TLL1: variants seen among roughly 807,000 people sequenced by gnomAD.
TLL1 encodes the protein tolloid like 1.
Under a neutral mutation model 128.2 loss-of-function variants are expected in TLL1, and 49 were observed. That is an observed-to-expected ratio of 0.38 (90% CI 0.30 to 0.48). The LOEUF is 0.48. Ranked by LOEUF, TLL1 falls within the 20% of genes least tolerant of loss-of-function variation. The probability of loss-of-function intolerance (pLI) is 0.96; values close to 1 mark genes in which losing one functional copy is unlikely to be tolerated. For synonymous variants in TLL1, 454 were observed against 418.8 expected (o/e 1.08, Z -1.03); for missense variants, 1,123 against 1,242.0 (o/e 0.90, Z 1.44).
At chr4:165,885,281 GC>G (rs1429509748) in intron 1 of TLL1, among the ~76,000 whole-genome samples, 1 of 151,974 alleles carries the variant, frequency 6.6e-6, no homozygotes, top group Admixed American at 6.6e-5. Context: ...GCTGTTCGAG[GC>G]CTAAAGCAAT....
intron 1 of TLL1, among the ~76,000 whole-genome samples, chr4:165,940,697 T>G (rs569111638): frequency 5.5e-4 from 84 of 152,192 alleles, no homozygotes; most frequent in African/African-American, 1.9e-3. Flanking sequence ...TTTTTCCTCC[T>G]AGATATTCCT....
chr4:166,021,661 G>C (rs909451598), intron 8 of TLL1, among the ~76,000 whole-genome samples: 1 of 152,072 alleles, frequency 6.6e-6, no homozygotes, highest in African/African-American at 2.4e-5. Context: ...TTGATCTCTT[G>C]ACCTCATGAT....
intron 1 of TLL1, among the ~76,000 whole-genome samples, chr4:165,896,199 T>C (rs545370649): frequency 6.6e-6 from 1 of 152,298 alleles, no homozygotes; most frequent in East Asian, 1.9e-4. Context: ...TTTCTGTTCC[T>C]GTGTTAGTTT....
intron 9 of TLL1, among the ~76,000 whole-genome samples, chr4:166,028,479 T>C (rs1316270897): frequency 6.6e-6 from 1 of 152,028 alleles, no homozygotes; most frequent in Non-Finnish European, 1.5e-5. Flanking sequence ...ATCTTTGCTT[T>C]AAAAATATGT....
At chr4:166,088,256 C>A (rs989542120) in intron 18 of TLL1, among the ~76,000 whole-genome samples, 1 of 151,970 alleles carries the variant, frequency 6.6e-6, no homozygotes, top group African/African-American at 2.4e-5. Flanking sequence ...GAAATGTGCA[C>A]ATTCTTTATT....
chr4:166,039,547 C>G, intron 10 of TLL1, 106 bp downstream of exon 10: 1 of 782,924 alleles, frequency 1.3e-6, no homozygotes, highest in Middle Eastern at 2.3e-4. Flanking sequence ...ATGTGTGTGA[C>G]TAACATTATT....
chr4:165,995,137 T>C lies in TLL1; in HGVS notation c.591T>C (p.Ser197=). The C allele has an allele frequency of 1.9e-6, 3 of 1,613,886 alleles. No homozygotes were observed. Among genetic ancestry groups the C allele is most frequent in the Non-Finnish European group, 2.5e-6 (3 of 1,179,906 alleles). The change falls in exon 5 of 21, where the codon AGT becomes AGC. Residue 197 remains serine, a synonymous_variant. Coordinates refer to ENST00000061240, the MANE Select transcript of TLL1 (RefSeq NM_012464.5). ...CATGTGTGACTTTCATAGAAAGAAG[T>C]GATGAAGAGAGTTACATTGTATTCA... ...KHTCVTFIER[S]DEESYIVFTY...
intron 12 of TLL1, among the ~76,000 whole-genome samples, chr4:166,047,450 C>A (rs527832697): frequency 6.7e-6 from 1 of 150,344 alleles, no homozygotes; most frequent in East Asian, 1.9e-4. Context: ...AGGTATGAGC[C>A]ACCGCACCTG....
intron 6 of TLL1, 99 bp downstream of exon 6, chr4:166,003,668 T>C: frequency 4.2e-6 from 5 of 1,199,472 alleles, no homozygotes; most frequent in Non-Finnish European, 6.1e-6. Context: ...TGTAAACTGA[T>C]ATTTTTGATA....
At position 166,068,562 on chromosome 4, in the gene TLL1, G is replaced by A. The variant is rs1503289; in HGVS notation, c.2188+2699G>A. Among the ~76,000 whole-genome samples the A allele has an allele frequency of 7.2e-3, 1,099 of 151,808 alleles. 17 individuals carry two copies. Among genetic ancestry groups the A allele is most frequent in the East Asian group, 0.058 (299 of 5,154 alleles). On this transcript the variant is annotated intron_variant, in intron 16 of 20. Transcript: ENST00000061240. ...CACTATGGGGGCTTTGATAAACTTC[G>A]TTACTGGATTTATTGTCACAAATTC...
chr4:166,028,814 C>A lies in TLL1; in HGVS notation c.1158+3383C>A, dbSNP rs151021259. ...CTTATATTTTGATTAATATATTTGC[C>A]AGGTATATCTTTGTCCTGTTCTAGA... On this transcript the variant is annotated intron_variant, in intron 9 of 20. Transcript: ENST00000061240. 9.2e-3 allele frequency among the ~76,000 whole-genome samples: 1,393 copies of A among 151,924 alleles called. 22 individuals are homozygous for A. The highest frequency in any genetic ancestry group is 0.03 in the African/African-American group (1,260 of 41,478).
At chr4:165,987,962 A>C (rs1297641238) in intron 1 of TLL1, among the ~76,000 whole-genome samples, 1 of 152,134 alleles carries the variant, frequency 6.6e-6, no homozygotes, top group Non-Finnish European at 1.5e-5. Context: ...TTGGTTTCAC[A>C]GAAGAAAATC....
intron 1 of TLL1, among the ~76,000 whole-genome samples, chr4:165,944,679 G>A (rs1408528027): frequency 2.6e-5 from 4 of 152,088 alleles, no homozygotes; most frequent in Non-Finnish European, 5.9e-5. Context: ...GAGAAACCCA[G>A]TAGGAGGCTT....
At chr4:166,089,127 C>T (rs993596336) in intron 18 of TLL1, among the ~76,000 whole-genome samples, 1 of 152,138 alleles carries the variant, frequency 6.6e-6, no homozygotes, top group African/African-American at 2.4e-5. Flanking sequence ...GAGATACTTG[C>T]TCAACATGCA....
chr4:166,009,243 A>G (rs146324438), intron 7 of TLL1, among the ~76,000 whole-genome samples: 130 of 151,666 alleles, frequency 8.6e-4, no homozygotes, highest in African/African-American at 3.1e-3. Context: ...GGAGTTTTCC[A>G]TAAAACATTT....
intron 1 of TLL1, among the ~76,000 whole-genome samples, chr4:165,976,501 A>G (rs1735892556): frequency 6.6e-6 from 1 of 152,216 alleles, no homozygotes; most frequent in Non-Finnish European, 1.5e-5. Flanking sequence ...TACATAGACA[A>G]TGCAATTCTA....
chr4:165,992,046 G>T (rs1156595245), intron 2 of TLL1, among the ~76,000 whole-genome samples: 1 of 151,994 alleles, frequency 6.6e-6, no homozygotes, highest in African/African-American at 2.4e-5. Flanking sequence ...TCTGACTTAT[G>T]ACAGGAATCT....
rs543752354 is a variant in TLL1 at position 166,067,387 on chromosome 4, C to T, written c.2188+1524C>T. Reference sequence around the variant, plus strand: ...TTCCAAATTATAAAAACAGATTATTCGTGTCCTTAGAAACAGTACTGTTGA... The same window carrying T: ...TTCCAAATTATAAAAACAGATTATTTGTGTCCTTAGAAACAGTACTGTTGA... On this transcript the variant is annotated intron_variant, in intron 16 of 20. Coordinates refer to ENST00000061240, the MANE Select transcript of TLL1 (RefSeq NM_012464.5). Among the ~76,000 whole-genome samples the T allele has an allele frequency of 1.5e-3, 224 of 151,782 alleles. 2 individuals carry two copies. Among genetic ancestry groups the T allele is most frequent in the African/African-American group, 5.1e-3 (211 of 41,476 alleles).
At chr4:165,999,491 C>T (rs972731091) in intron 5 of TLL1, among the ~76,000 whole-genome samples, 1 of 152,054 alleles carries the variant, frequency 6.6e-6, no homozygotes, top group African/African-American at 2.4e-5. Context: ...CTTATTATCA[C>T]GAGAACAGCA....
Sources: allele counts gnomAD v4.1 joint callset (sites outside exome capture counted in the v4.1 genomes callset), GRCh38; gene constraint gnomAD v4.1.1; transcripts MANE v1.5; gene names NCBI Gene and HGNC (gene_info 2026-07-23, HGNC 2026-07-21).